SGCD: variants seen among roughly 807,000 people sequenced by gnomAD.
SGCD encodes the protein sarcoglycan delta, also known as delta-sarcoglycan.
In SGCD, 18 loss-of-function variants were observed where a neutral mutation model predicts 36.6. That is an observed-to-expected ratio of 0.49 (90% confidence interval 0.34 to 0.73). SGCD has a LOEUF of 0.73. Ranked by LOEUF, SGCD falls within the 30% of genes least tolerant of loss-of-function variation. The pLI is 0.01. For missense variants in SGCD, 387 were observed against 346.7 expected (o/e 1.12, Z -0.92); for synonymous variants, 133 against 130.6 (o/e 1.02, Z -0.12).
At chr5:155,827,988 G>A in the SGCD span, among the ~76,000 whole-genome samples, 2 of 151,822 alleles carry the variant, frequency 1.3e-5, no homozygotes, top group South Asian at 4.2e-4. Flanking sequence ...ACTATGCCCA[G>A]CCTGAATAAT....
chr5:156,277,915 AG>A (rs1427680433), intron 3 of SGCD, among the ~76,000 whole-genome samples: 5 of 152,194 alleles, frequency 3.3e-5, no homozygotes, highest in African/African-American at 9.7e-5. Flanking sequence ...ATGAAACTGA[AG>A]GTCTGATCTG....
At chr5:156,321,208 A>G (rs1767654545) in intron 3 of SGCD, among the ~76,000 whole-genome samples, 1 of 152,186 alleles carries the variant, frequency 6.6e-6, no homozygotes, top group Non-Finnish European at 1.5e-5. Context: ...TCAGGAGGTC[A>G]GAAGATCGAG....
intron 3 of SGCD, among the ~76,000 whole-genome samples, chr5:156,135,083 A>G (rs1165501788): frequency 2.0e-5 from 3 of 152,222 alleles, no homozygotes; most frequent in African/African-American, 7.2e-5. Context: ...CCAACTCTGC[A>G]TAGCGTATAG....
At chr5:156,504,102 G>A (rs1473983690) in intron 3 of SGCD, among the ~76,000 whole-genome samples, 1 of 151,806 alleles carries the variant, frequency 6.6e-6, no homozygotes, top group Admixed American at 6.6e-5. Context: ...TACTCAGGAG[G>A]CTGAGGTAGG....
At chr5:156,584,501 A>G (rs1021876075) in intron 4 of SGCD, among the ~76,000 whole-genome samples, 10 of 152,238 alleles carry the variant, frequency 6.6e-5, no homozygotes, top group Admixed American at 4.6e-4. Context: ...GTGGATTAAT[A>G]AGGGGCAGTT....
Position 156,379,701 on chromosome 5 carries a change from T to C in SGCD, c.192+35024T>C, listed in dbSNP as rs539318691. ...AGGAAGGGGATGAGGTAGAACACTA[T>C]TACAATAATCCAGGCTCACAGAGTG... On this transcript the variant is annotated intron_variant, in intron 3 of 8. Coordinates refer to ENST00000337851, the MANE Select transcript of SGCD (RefSeq NM_000337.6). 8.5e-5 allele frequency among the ~76,000 whole-genome samples: 13 copies of C among 152,228 alleles called. No individual in the cohort carries two copies. In the South Asian group the frequency reaches 1.9e-3, roughly 22 times the overall value.
chr5:156,481,649 T>C (rs1240847849), intron 3 of SGCD, among the ~76,000 whole-genome samples: 1 of 152,128 alleles, frequency 6.6e-6, no homozygotes, highest in Non-Finnish European at 1.5e-5. Flanking sequence ...ATAATAATAG[T>C]ACCTGCCCCC....
chr5:156,603,776 C>CT (rs1335428189), intron 6 of SGCD, among the ~76,000 whole-genome samples: 1 of 151,890 alleles, frequency 6.6e-6, no homozygotes, highest in Admixed American at 6.5e-5. Flanking sequence ...TTGATATAAT[C>CT]TTTATCTTCT....
At chr5:156,048,285 G>T (rs548351755) in intron 1 of SGCD, among the ~76,000 whole-genome samples, 4 of 152,226 alleles carry the variant, frequency 2.6e-5, no homozygotes, top group Admixed American at 2.6e-4. Context: ...ATAAACATAC[G>T]TGTGCATGTG....
chr5:156,691,619 A>G (rs948005691), intron 7 of SGCD, among the ~76,000 whole-genome samples: 3 of 152,210 alleles, frequency 2.0e-5, no homozygotes, highest in South Asian at 2.1e-4. Context: ...TGATAATCAG[A>G]ATTTCAAAAT....
chr5:156,069,067 G>A (rs1281776251), intron 1 of SGCD, among the ~76,000 whole-genome samples: 1 of 152,106 alleles, frequency 6.6e-6, no homozygotes, highest in African/African-American at 2.4e-5. Flanking sequence ...CTCCCATTCT[G>A]TAGGTTGCCT....
chr5:156,172,385 T>C (rs1286055158), intron 3 of SGCD, among the ~76,000 whole-genome samples: 1 of 152,262 alleles, frequency 6.6e-6, no homozygotes, highest in Non-Finnish European at 1.5e-5. Context: ...TTACAGCACC[T>C]GCTCTCAACG....
At chr5:156,608,897 G>T (rs1270612961) in intron 6 of SGCD, among the ~76,000 whole-genome samples, 1 of 151,768 alleles carries the variant, frequency 6.6e-6, no homozygotes, top group African/African-American at 2.4e-5. Flanking sequence ...CATTTGCTTG[G>T]TAGATCTTCC....
At chr5:155,853,983 AG>A in the SGCD span, among the ~76,000 whole-genome samples, 1 of 152,340 alleles carries the variant, frequency 6.6e-6, no homozygotes, top group South Asian at 2.1e-4. Flanking sequence ...CAGCATTCAA[AG>A]CCTTCTTCAT....
intron 3 of SGCD, among the ~76,000 whole-genome samples, chr5:156,386,191 G>T (rs1411752833): frequency 6.6e-6 from 1 of 152,176 alleles, no homozygotes; most frequent in African/African-American, 2.4e-5. Context: ...AGATTGTGTG[G>T]TCAGCAGTGT....
chr5:156,025,186 G>A (rs2127574285), intron 1 of SGCD, among the ~76,000 whole-genome samples: 1 of 152,250 alleles, frequency 6.6e-6, no homozygotes, highest in Non-Finnish European at 1.5e-5. Flanking sequence ...TCCATGATGT[G>A]GTTCTACCAT....
At chr5:156,196,731 A>C (rs1187447774) in intron 3 of SGCD, among the ~76,000 whole-genome samples, 1 of 152,188 alleles carries the variant, frequency 6.6e-6, no homozygotes, top group Non-Finnish European at 1.5e-5. Flanking sequence ...AATGTATACT[A>C]AATTCTAGAA....
In SGCD at chr5:156,760,148, T is replaced by G. The variant is rs1757473529; in HGVS notation, c.*758T>G. On this transcript the variant is annotated 3_prime_UTR_variant, in exon 9 of 9. Coordinates refer to ENST00000337851, the MANE Select transcript of SGCD (RefSeq NM_000337.6). ...TTAGGAGCTGTAAATCAGCACAAAA[T>G]AAGATAACAGCTGTTCCTCAGTGAG... The G allele has an allele frequency of 6.6e-6, 1 of 152,152 alleles. No individual in the cohort carries two copies. Among genetic ancestry groups the G allele is most frequent in the African/African-American group, 2.4e-5 (1 of 41,432 alleles). The allele number at this position is 152,152 out of a possible 1,614,324, so 9.4% of individuals were successfully genotyped here.
chr5:155,785,441 C>T, the SGCD span, among the ~76,000 whole-genome samples: 3 of 151,992 alleles, frequency 2.0e-5, no homozygotes, highest in Non-Finnish European at 4.4e-5. Context: ...ATACAAAATC[C>T]TCTCTTCTAG....
Sources: allele counts gnomAD v4.1 joint callset (sites outside exome capture counted in the v4.1 genomes callset), GRCh38; gene constraint gnomAD v4.1.1; transcripts MANE v1.5; gene names NCBI Gene and HGNC (gene_info 2026-07-23, HGNC 2026-07-21).